The following CSMD1 variants were observed in gnomAD, a reference collection of about 807,000 sequenced individuals.
CSMD1 encodes the protein CUB and Sushi multiple domains 1.
Under a neutral mutation model 417.5 loss-of-function variants are expected in CSMD1, and 213 were observed. The observed-to-expected ratio is 0.51, with a 90% CI of 0.46 to 0.57. CSMD1 has a LOEUF of 0.57. Among genes scored for constraint, CSMD1 ranks in the 20% least tolerant of loss-of-function variants. CSMD1 has a pLI of 0.00. For synonymous variants in CSMD1, 2,862 were observed against 1,736.8 expected, an observed-to-expected ratio of 1.65 and a Z score of -16.11; for missense variants, 6,923 against 4,529.7, an observed-to-expected ratio of 1.53 and a Z score of -15.17.
intron 26 of CSMD1, among the ~76,000 whole-genome samples, chr8:3,277,575 C>G (rs575670334): frequency 3.2e-4 from 49 of 152,250 alleles, no homozygotes; most frequent in Non-Finnish European, 6.6e-4. Context: ...TCCTGACAGC[C>G]TGAGCCACTG....
chr8:4,701,792 T>G (rs1382418074), intron 1 of CSMD1, among the ~76,000 whole-genome samples: 5 of 152,168 alleles, frequency 3.3e-5, no homozygotes, highest in Non-Finnish European at 5.9e-5. Context: ...GGTGGAAGAT[T>G]TAATGAAGAT....
At chr8:4,916,332 G>A (rs1484446547) in intron 1 of CSMD1, among the ~76,000 whole-genome samples, 3 of 152,086 alleles carry the variant, frequency 2.0e-5, no homozygotes, top group Non-Finnish European at 2.9e-5. Context: ...AATGTTTATG[G>A]GCAACTTTTA....
intron 10 of CSMD1, among the ~76,000 whole-genome samples, chr8:3,494,854 G>A (rs574561794): frequency 6.6e-6 from 1 of 152,170 alleles, no homozygotes; most frequent in Admixed American, 6.5e-5. Context: ...GCGTAGAAAA[G>A]TATCAAATGC....
In CSMD1 at chr8:3,535,686, G is replaced by A. The variant is rs149377570; in HGVS notation, c.1344+39259C>T. Reference sequence around the variant, plus strand: ...CAAAATCTATGCATGTAACAAAATTGCACTTGTACCCCTCATTGCTTTTTT... The same window carrying A: ...CAAAATCTATGCATGTAACAAAATTACACTTGTACCCCTCATTGCTTTTTT... On this transcript the variant is annotated intron_variant, in intron 10 of 69. Transcript: ENST00000635120. Among the ~76,000 whole-genome samples, 671 of 152,246 alleles carry A rather than the reference G, an allele frequency of 4.4e-3. 4 individuals carry two copies. Among genetic ancestry groups the A allele is most frequent in the African/African-American group, 0.015 (639 of 41,540 alleles).
intron 1 of CSMD1, among the ~76,000 whole-genome samples, chr8:4,915,099 CCGAGT>C (rs1805961967): frequency 6.6e-6 from 1 of 152,016 alleles, no homozygotes; most frequent in Non-Finnish European, 1.5e-5. Context: ...TATGGTCAGG[CCGAGT>C]CAAGTGTTAC....
chr8:4,703,437 A>G (rs1424014464), intron 1 of CSMD1, among the ~76,000 whole-genome samples: 1 of 152,220 alleles, frequency 6.6e-6, no homozygotes, highest in Non-Finnish European at 1.5e-5. Context: ...TAGAACATGC[A>G]TGAATAGCCT....
chr8:4,303,399 A>G lies in CSMD1; in HGVS notation c.415+116554T>C, dbSNP rs528266112. ...TTATTAATTTTTTATTCATTGTCTCATTTATATATTGGGCAGGAAGCTGTT... is the reference window on the plus strand; with the variant it reads ...TTATTAATTTTTTATTCATTGTCTCGTTTATATATTGGGCAGGAAGCTGTT... On this transcript the variant is annotated intron_variant, in intron 3 of 69. Coordinates refer to ENST00000635120, the MANE Select transcript of CSMD1 (RefSeq NM_033225.6). 6.1e-5 allele frequency among the ~76,000 whole-genome samples: 8 copies of G among 132,146 alleles called. No individual in the cohort carries two copies. The South Asian group carries it at 9.9e-4, about 16-fold the overall frequency. 86.7% of individuals were successfully genotyped at this position (132,146 alleles called of 152,430 possible).
chr8:4,017,268 T>A (rs1796568759), intron 4 of CSMD1, among the ~76,000 whole-genome samples: 1 of 152,326 alleles, frequency 6.6e-6, no homozygotes, highest in Non-Finnish European at 1.5e-5. Context: ...GCAATTCATC[T>A]TCTCATCATT....
chr8:2,940,803 G>A (rs116979641), intron 69 of CSMD1, among the ~76,000 whole-genome samples: 1,637 of 152,318 alleles, frequency 0.011, 22 homozygotes, highest in Non-Finnish European at 0.019. Flanking sequence ...AGGGAAAACA[G>A]CTTTAATGGA....
chr8:3,158,217 C>A (rs1400162207), intron 38 of CSMD1, among the ~76,000 whole-genome samples: 1 of 152,128 alleles, frequency 6.6e-6, no homozygotes, highest in African/African-American at 2.4e-5. Flanking sequence ...TTTGACCAGA[C>A]CATAATTCGA....
intron 1 of CSMD1, among the ~76,000 whole-genome samples, chr8:4,971,368 G>A (rs1009676452): frequency 6.6e-6 from 1 of 151,890 alleles, no homozygotes; most frequent in African/African-American, 2.4e-5. Context: ...TGGTAAAATA[G>A]AAAATACTTA....
At position 3,396,310 on chromosome 8, in the gene CSMD1, C is replaced by T. The variant is rs1472145451; in HGVS notation, c.2477G>A (p.Gly826Asp). Residue 826 changes from glycine to aspartate, a missense_variant, in exon 17 of 70, where the codon GGC becomes GAC. Transcript: ENST00000635120. ...GGGTGCCTGGGTGCCGTGGTACTCG[C>T]CGATCAGTGGGGACGAACTGGCTGG... ...DGPASSSPLI[G>D]EYHGTQAPQF... is the part of the protein sequence containing the mutation. The T allele has an allele frequency of 6.2e-7, 1 of 1,607,258 alleles. No individual in the cohort carries two copies. Among genetic ancestry groups the T allele is most frequent in the Non-Finnish European group, 8.5e-7 (1 of 1,176,834 alleles).
intron 5 of CSMD1, among the ~76,000 whole-genome samples, chr8:3,796,816 C>T (rs1585014126): frequency 6.6e-6 from 1 of 151,368 alleles, no homozygotes; most frequent in South Asian, 2.1e-4. Context: ...ATGGTATCAA[C>T]ATAAGAGATA....
intron 3 of CSMD1, among the ~76,000 whole-genome samples, chr8:4,160,535 G>A (rs1187926250): frequency 4.6e-5 from 7 of 152,210 alleles, no homozygotes. Context: ...CAAGGAAAAG[G>A]AGATTTTCAG....
intron 26 of CSMD1, among the ~76,000 whole-genome samples, chr8:3,275,478 C>T (rs1381629526): frequency 6.6e-6 from 1 of 152,104 alleles, no homozygotes; most frequent in Non-Finnish European, 1.5e-5. Context: ...GTTGACCTGC[C>T]TTGCTAGATT....
In CSMD1 at chr8:4,665,653, A is replaced by G. The variant is rs374888876; in HGVS notation, c.86-28095T>C. Among the ~76,000 whole-genome samples the G allele has an allele frequency of 9.2e-5, 14 of 152,250 alleles. No individual in the cohort carries two copies. The East Asian group carries it at 2.3e-3, about 25-fold the overall frequency. On this transcript the variant is annotated intron_variant, in intron 1 of 69. Transcript: ENST00000635120. ...GCAATGGCTTATTCCACGTTAGCAT[A>G]ACGCATTCAAGGTCCACCCACGCTG...
intron 25 of CSMD1, among the ~76,000 whole-genome samples, chr8:3,285,505 G>T (rs889063275): frequency 3.3e-5 from 5 of 151,720 alleles, no homozygotes; most frequent in African/African-American, 1.2e-4. Context: ...TCCTGCCTCA[G>T]CCTCCCAAGA....
intron 5 of CSMD1, among the ~76,000 whole-genome samples, chr8:3,802,118 G>A (rs956998429): frequency 2.4e-4 from 37 of 151,446 alleles, no homozygotes; most frequent in Admixed American, 2.4e-3. Flanking sequence ...GTTTTAAAAA[G>A]GTAAAATAAA....
chr8:4,562,482 T>C (rs905253954), intron 2 of CSMD1, among the ~76,000 whole-genome samples: 2 of 152,174 alleles, frequency 1.3e-5, no homozygotes, highest in African/African-American at 4.8e-5. Context: ...TCATTAGAAA[T>C]CTTATCAGTC....
Sources: gnomAD v4.1 joint callset for allele counts (sites outside exome capture counted in the v4.1 genomes callset) on GRCh38, gnomAD v4.1.1 for gene constraint, MANE v1.5 for transcripts, NCBI Gene and HGNC (gene_info 2026-07-23, HGNC 2026-07-21) for gene names.